The following EPM2A variants were observed in gnomAD, a reference collection of about 807,000 sequenced individuals.
The protein encoded by EPM2A is EPM2A glucan phosphatase, laforin.
A neutral mutation model predicts 26.5 loss-of-function variants in EPM2A; 21 were observed. The observed-to-expected ratio is 0.79, with a 90% confidence interval of 0.56 to 1.14. EPM2A has a LOEUF of 1.14. Ranked by LOEUF, EPM2A falls within the 50% of genes most tolerant of loss-of-function variation. The pLI is 0.00. For missense variants in EPM2A, 458 were observed against 440.8 expected, an observed-to-expected ratio of 1.04 and a Z score of -0.35; for synonymous variants, 217 against 177.6, an observed-to-expected ratio of 1.22 and a Z score of -1.76.
chr6:145,697,604 GC>G (rs1562499180), intron 1 of EPM2A, among the ~76,000 whole-genome samples: 1 of 151,988 alleles, frequency 6.6e-6, no homozygotes, highest in African/African-American at 2.4e-5. Flanking sequence ...AAAGATGGCC[GC>G]CCCCCGAAGC....
chr6:145,447,425 C>T (rs182570594), intron 4 of EPM2A, among the ~76,000 whole-genome samples: 2 of 152,106 alleles, frequency 1.3e-5, no homozygotes, highest in East Asian at 3.9e-4. Flanking sequence ...TTTGGAGTTT[C>T]ATTATCTCTC....
At chr6:145,575,736 A>G (rs1480332552) in intron 2 of EPM2A, among the ~76,000 whole-genome samples, 1 of 152,208 alleles carries the variant, frequency 6.6e-6, no homozygotes, top group Non-Finnish European at 1.5e-5. Context: ...AACAGTCACA[A>G]TAAAGACTAT....
chr6:145,602,821 T>A lies in EPM2A; in HGVS notation c.340+32424A>T, dbSNP rs568536438. ...AATAGAAGAAAACAGCAGTCTTAAC[T>A]TATTGAGATTGGAATACCTTACTTT... is the stretch of plus-strand genomic sequence containing the variant. On this transcript the variant is annotated intron_variant, in intron 2 of 3. Coordinates refer to the EPM2A transcript ENST00000450221. Among the ~76,000 whole-genome samples, 36 of 152,312 alleles carry A rather than the reference T, an allele frequency of 2.4e-4. No individual in the cohort carries two copies. The South Asian group carries it at 4.6e-3, about 19-fold the overall frequency.
intron 2 of EPM2A, among the ~76,000 whole-genome samples, chr6:145,559,690 TTTA>T (rs1196503474): frequency 8.4e-6 from 1 of 118,844 alleles, no homozygotes; most frequent in African/African-American, 2.9e-5. Flanking sequence ...TTTTTTTTTT[TTTA>T]AAATGGTGCT....
intron 2 of EPM2A, among the ~76,000 whole-genome samples, chr6:145,673,954 T>C (rs1185959293): frequency 1.3e-5 from 2 of 152,148 alleles, no homozygotes; most frequent in Non-Finnish European, 2.9e-5. Context: ...TCTCCCAGCA[T>C]TTGAGCACTG....
intron 2 of EPM2A, among the ~76,000 whole-genome samples, chr6:145,672,273 T>C (rs1380183603): frequency 5.9e-5 from 9 of 152,212 alleles, no homozygotes; most frequent in African/African-American, 2.2e-4. Context: ...ATCTAGAATC[T>C]TTCACCAAAT....
intron 3 of EPM2A, 52 bp from the exon 4 acceptor site, chr6:145,627,745 C>A (rs112286444): frequency 3.8e-6 from 6 of 1,597,198 alleles, no homozygotes; most frequent in Non-Finnish European, 4.3e-6. Context: ...CACCAGATAC[C>A]GCCGCTGAGG....
intron 2 of EPM2A, among the ~76,000 whole-genome samples, chr6:145,617,846 G>C (rs1351572425): frequency 6.6e-6 from 1 of 152,178 alleles, no homozygotes; most frequent in Admixed American, 6.5e-5. Flanking sequence ...AGAAGCTGAG[G>C]TGGGAGGCTC....
chr6:145,627,852 C>G lies in EPM2A; in HGVS notation c.719-159G>C, dbSNP rs1191883264. 12 of 1,037,830 alleles carry G rather than the reference C, an allele frequency of 1.2e-5. No homozygotes were observed. The East Asian group carries it at 2.9e-4, about 25-fold the overall frequency. 64.3% of individuals were successfully genotyped at this position (1,037,830 alleles called of 1,614,324 possible). A position where few individuals can be genotyped will look rare whatever the true frequency, so the allele number is the denominator to read the frequency against. The stretch of plus-strand genomic sequence containing the variant: ...CTGCATTGTGAAGGAAAAAGTGAGA[C>G]CATTTTACAATCTGCTAATAGCAAA... On this transcript the variant is annotated intron_variant, in intron 3 of 3. Transcript: ENST00000367519.
intron 2 of EPM2A, among the ~76,000 whole-genome samples, chr6:145,604,468 C>T (rs1481734773): frequency 6.6e-6 from 1 of 152,002 alleles, no homozygotes; most frequent in African/African-American, 2.4e-5. Context: ...TTCACTGGCT[C>T]TTATAAATGC....
rs116523064 is a variant in EPM2A, at chr6:145,588,794, A to C, written c.340+46451T>G. Among the ~76,000 whole-genome samples, 398 of 152,338 alleles carry C rather than the reference A, an allele frequency of 2.6e-3. 6 individuals carry two copies. The highest frequency in any genetic ancestry group is 9.1e-3 in the African/African-American group (380 of 41,580). Reference sequence around the variant, plus strand: ...AACTTAAAATTTCACTATAAAAGGGAAACAGGTGAAGATTCAAGAACAATA... The same window carrying C: ...AACTTAAAATTTCACTATAAAAGGGCAACAGGTGAAGATTCAAGAACAATA... On this transcript the variant is annotated intron_variant, in intron 2 of 3. Coordinates refer to the EPM2A transcript ENST00000450221.
In EPM2A at chr6:145,492,818, G is replaced by A. The variant is rs114393046; in HGVS notation, c.555+9704C>T. Among the ~76,000 whole-genome samples the A allele has an allele frequency of 9.5e-3, 1,439 of 152,268 alleles. 34 individuals are homozygous for A. Among genetic ancestry groups the A allele is most frequent in the East Asian group, 0.087 (452 of 5,172 alleles). ...GCTTCTCCTCTTCTCCACTCTCTCT[G>A]CTGATGGAGCTGGGGGATTTTATGG... On this transcript the variant is annotated intron_variant, in intron 4 of 4. Transcript: ENST00000638717.
At chr6:145,630,487 C>T (rs1219563923) in intron 3 of EPM2A, 1 of 151,568 alleles carries the variant, frequency 6.6e-6, no homozygotes, top group Non-Finnish European at 1.5e-5. Flanking sequence ...TGGTGGTATA[C>T]ACCTGTAATC....
intron 4 of EPM2A, among the ~76,000 whole-genome samples, chr6:145,486,247 T>C (rs1438607217): frequency 6.6e-6 from 1 of 152,160 alleles, no homozygotes; most frequent in East Asian, 1.9e-4. Flanking sequence ...CCAGAAGGAC[T>C]CTTCTCAGGT....
intron 2 of EPM2A, among the ~76,000 whole-genome samples, chr6:145,647,061 C>T (rs888720618): frequency 6.6e-6 from 1 of 152,190 alleles, no homozygotes; most frequent in African/African-American, 2.4e-5. Context: ...TCAACAGCCT[C>T]CAAAATGACC....
chr6:145,687,793 C>T (rs1781027177), intron 1 of EPM2A, among the ~76,000 whole-genome samples: 1 of 152,130 alleles, frequency 6.6e-6, no homozygotes, highest in Non-Finnish European at 1.5e-5. Flanking sequence ...TCTTAATAAA[C>T]CATTACTGAT....
chr6:145,421,257 ACTTTGTGAGAAGATTATATTC>A (rs1778777518), intron 4 of EPM2A, among the ~76,000 whole-genome samples: 1 of 152,156 alleles, frequency 6.6e-6, no homozygotes, highest in African/African-American at 2.4e-5. Flanking sequence ...GAAGAATGAT[ACTTTGTGAGAAGATTATATTC>A]CATAGTTTCA....
intron 2 of EPM2A, chr6:145,635,967 T>TA (rs1776650740): frequency 5.6e-6 from 1 of 178,510 alleles, no homozygotes; most frequent in African/African-American, 2.4e-5. Flanking sequence ...GAACAGAAGC[T>TA]AAAAAACAAC....
At chr6:145,714,038 A>G (rs983447639) in intron 1 of EPM2A, among the ~76,000 whole-genome samples, 5 of 152,238 alleles carry the variant, frequency 3.3e-5, no homozygotes, top group African/African-American at 7.2e-5. Context: ...GCAAAGCCCT[A>G]GAGACAGAAA....
Sources: gnomAD v4.1 joint callset for allele counts (sites outside exome capture counted in the v4.1 genomes callset) on GRCh38, gnomAD v4.1.1 for gene constraint, MANE v1.5 for transcripts, NCBI Gene and HGNC (gene_info 2026-07-23, HGNC 2026-07-21) for gene names.